Variants in FHIT observed in about 807,000 individuals in gnomAD.
The protein encoded by FHIT is fragile histidine triad diadenosine triphosphatase.
Under a neutral mutation model 17.9 loss-of-function variants are expected in FHIT, and 19 were observed. The observed-to-expected ratio is 1.06, with a 90% CI of 0.74 to 1.56. The LOEUF (loss-of-function observed/expected upper bound fraction) is 1.56. FHIT is among the 40% of genes most tolerant of loss of function. The probability of loss-of-function intolerance (pLI) is 0.00; values close to 1 mark genes in which losing one functional copy is unlikely to be tolerated. For synonymous variants in FHIT, 81 were observed against 69.7 expected, an observed-to-expected ratio of 1.16 and a Z score of -0.81; for missense variants, 248 against 189.2, an observed-to-expected ratio of 1.31 and a Z score of -1.82.
At chr3:59,915,680 C>CTATAATCCCAGTACTTTGG (rs1339223968) in intron 8 of FHIT, among the ~76,000 whole-genome samples, 4 of 152,172 alleles carry the variant, frequency 2.6e-5, no homozygotes, top group Non-Finnish European at 5.9e-5. Flanking sequence ...TGGCTCATGC[C>CTATAATCCCAGTACTTTGG]TATAATCCCA....
At chr3:61,097,506 AG>A (rs1489706193) in intron 2 of FHIT, among the ~76,000 whole-genome samples, 1 of 152,166 alleles carries the variant, frequency 6.6e-6, no homozygotes, top group African/African-American at 2.4e-5. Flanking sequence ...TTCTGCTTTT[AG>A]GTCTTTAAGG....
At chr3:61,190,468 G>T (rs991204129) in intron 2 of FHIT, among the ~76,000 whole-genome samples, 29 of 152,206 alleles carry the variant, frequency 1.9e-4, no homozygotes, top group Middle Eastern at 3.4e-3. Context: ...TAGGAACACT[G>T]TTACACTGTT....
chr3:59,773,580 A>G (rs1249672890), intron 8 of FHIT, among the ~76,000 whole-genome samples: 1 of 152,064 alleles, frequency 6.6e-6, no homozygotes. Context: ...TCAATTTCCA[A>G]TGTAATTAAT....
intron 5 of FHIT, among the ~76,000 whole-genome samples, chr3:60,496,534 C>T (rs766187950): frequency 6.6e-6 from 1 of 152,100 alleles, no homozygotes; most frequent in African/African-American, 2.4e-5. Flanking sequence ...TCACCCAATG[C>T]TATGGAGTAT....
intron 7 of FHIT, among the ~76,000 whole-genome samples, chr3:59,987,723 A>G (rs115810312): frequency 6.6e-4 from 101 of 152,082 alleles, no homozygotes; most frequent in African/African-American, 2.3e-3. Context: ...CTTTTGTAGT[A>G]ATTTGAAAGA....
intron 4 of FHIT, among the ~76,000 whole-genome samples, chr3:60,613,733 C>T (rs2038856467): frequency 6.6e-6 from 1 of 152,000 alleles, no homozygotes; most frequent in Non-Finnish European, 1.5e-5. Context: ...TTAGACAACC[C>T]TGCTCACTAG....
At chr3:60,506,481 T>G (rs528352540) in intron 5 of FHIT, among the ~76,000 whole-genome samples, 96 of 152,358 alleles carry the variant, frequency 6.3e-4, no homozygotes, top group African/African-American at 2.2e-3. Flanking sequence ...CAAGTGTGTT[T>G]ACTATCTATA....
intron 3 of FHIT, among the ~76,000 whole-genome samples, chr3:61,022,845 C>G (rs1219653945): frequency 6.6e-6 from 1 of 152,134 alleles, no homozygotes; most frequent in African/African-American, 2.4e-5. Flanking sequence ...GAACAGATCT[C>G]AAAATAATAA....
At chr3:59,959,846 G>C (rs1409719737) in intron 7 of FHIT, among the ~76,000 whole-genome samples, 1 of 152,154 alleles carries the variant, frequency 6.6e-6, no homozygotes, top group African/African-American at 2.4e-5. Flanking sequence ...AAGAAAATGA[G>C]ACCTGAGAGC....
At chr3:60,391,240 C>G (rs1048075211) in intron 5 of FHIT, among the ~76,000 whole-genome samples, 1 of 151,930 alleles carries the variant, frequency 6.6e-6, no homozygotes, top group African/African-American at 2.4e-5. Context: ...AAAGAACAAG[C>G]TATAATAAGC....
At chr3:60,141,758 C>T (rs749563230) in intron 5 of FHIT, among the ~76,000 whole-genome samples, 41 of 152,146 alleles carry the variant, frequency 2.7e-4, no homozygotes, top group African/African-American at 3.1e-4. Context: ...TTAATTTCCA[C>T]GTTTACCAAC....
At chr3:60,010,568 G>A (rs1281888201) in intron 7 of FHIT, among the ~76,000 whole-genome samples, 1 of 152,186 alleles carries the variant, frequency 6.6e-6, no homozygotes, top group Admixed American at 6.5e-5. Flanking sequence ...TCAACAAAGT[G>A]TAACATTAAC....
intron 4 of FHIT, among the ~76,000 whole-genome samples, chr3:60,658,842 C>T (rs1177731713): frequency 6.6e-5 from 10 of 152,096 alleles, no homozygotes; most frequent in South Asian, 4.2e-4. Flanking sequence ...TTTACCTTTA[C>T]GGAGAACTTT....
At chr3:60,124,007 T>C (rs71313746) in intron 5 of FHIT, among the ~76,000 whole-genome samples, 14 of 17,774 alleles carry the variant, frequency 7.9e-4, no homozygotes, top group African/African-American at 3.0e-3. Flanking sequence ...TATATATATA[T>C]ATAGAGAGAG....
intron 5 of FHIT, among the ~76,000 whole-genome samples, chr3:60,364,814 A>G (rs903423184): frequency 1.4e-4 from 21 of 152,284 alleles, no homozygotes; most frequent in African/African-American, 5.1e-4. Flanking sequence ...CTGAAAGAAC[A>G]AAAAGGTAGA....
At chr3:60,963,937 T>C (rs1370506609) in intron 3 of FHIT, among the ~76,000 whole-genome samples, 3 of 152,240 alleles carry the variant, frequency 2.0e-5, no homozygotes, top group African/African-American at 7.2e-5. Flanking sequence ...TCTGTAGATG[T>C]CTATTAGGTC....
At chr3:61,133,937 A>G (rs1178720499) in intron 2 of FHIT, among the ~76,000 whole-genome samples, 3 of 152,072 alleles carry the variant, frequency 2.0e-5, no homozygotes, top group Non-Finnish European at 4.4e-5. Flanking sequence ...AAGTACAAAA[A>G]TTTAGCCAGG....
At chr3:61,041,252 C>G (rs970500400) in intron 3 of FHIT, among the ~76,000 whole-genome samples, 1 of 151,942 alleles carries the variant, frequency 6.6e-6, no homozygotes, top group Non-Finnish European at 1.5e-5. Flanking sequence ...GGTGGCACGC[C>G]TCTAGTCCCA....
At position 60,625,235 on chromosome 3, in the gene FHIT, T is replaced by C. The variant is rs570201488; in HGVS notation, c.-17-88256A>G. Among the ~76,000 whole-genome samples, 5 of 152,338 alleles carry C rather than the reference T, an allele frequency of 3.3e-5. No individual in the cohort carries two copies. The East Asian group carries it at 7.7e-4, about 23-fold the overall frequency. ...TGTTTCTAGTTTTTAGCAAATTTAA[T>C]GTTGCTATGAACATTCACGTACAAG... On this transcript the variant is annotated intron_variant, in intron 4 of 9. Coordinates refer to ENST00000492590, the MANE Select transcript of FHIT (RefSeq NM_002012.4).
Sources: allele counts gnomAD v4.1 joint callset (sites outside exome capture counted in the v4.1 genomes callset), GRCh38; gene constraint gnomAD v4.1.1; transcripts MANE v1.5; gene names NCBI Gene and HGNC (gene_info 2026-07-23, HGNC 2026-07-21).